Variants in PCDH15 observed in about 807,000 individuals in gnomAD.
PCDH15 encodes protocadherin related 15, also known as protocadherin-15.
In PCDH15, 129 loss-of-function variants were observed where a neutral mutation model predicts 178.5. The ratio of observed to expected loss-of-function variants is 0.72; its 90% CI spans 0.63 to 0.84. PCDH15 has a LOEUF of 0.84. PCDH15 is among the 40% of genes least tolerant of loss of function. PCDH15 has a pLI of 0.00. For synonymous variants in PCDH15, 800 were observed against 732.0 expected (o/e 1.09, Z -1.50); for missense variants, 2,230 against 2,099.9 (o/e 1.06, Z -1.21).
intron 1 of PCDH15, among the ~76,000 whole-genome samples, chr10:54,784,625 A>C (rs1204206417): frequency 6.7e-6 from 1 of 149,610 alleles, no homozygotes; most frequent in Non-Finnish European, 1.5e-5. Flanking sequence ...CAACATCTGG[A>C]AGCAAACAGA....
chr10:54,156,577 C>A (rs2045175351), intron 13 of PCDH15, among the ~76,000 whole-genome samples: 1 of 152,190 alleles, frequency 6.6e-6, no homozygotes, highest in Non-Finnish European at 1.5e-5. Flanking sequence ...TCCCACAACA[C>A]GTGGGAATTC....
chr10:55,433,222 G>C (rs1020085018), intron 2 of PCDH15, among the ~76,000 whole-genome samples: 5 of 152,076 alleles, frequency 3.3e-5, no homozygotes, highest in African/African-American at 1.2e-4. Context: ...TGGTAGATTT[G>C]ATAAAGAAAA....
intron 2 of PCDH15, among the ~76,000 whole-genome samples, chr10:54,559,451 A>C (rs77071350): frequency 6.6e-6 from 1 of 152,092 alleles, no homozygotes. Context: ...TCAATGTTGC[A>C]TCTTCAGCAA....
chr10:54,297,302 G>A (rs937678033), intron 8 of PCDH15, among the ~76,000 whole-genome samples: 1 of 152,110 alleles, frequency 6.6e-6, no homozygotes, highest in Non-Finnish European at 1.5e-5. Flanking sequence ...CTGAAAGAAA[G>A]GCAGCTCATT....
intron 2 of PCDH15, among the ~76,000 whole-genome samples, chr10:54,962,923 G>A (rs1194380896): frequency 6.6e-6 from 1 of 152,160 alleles, no homozygotes; most frequent in African/African-American, 2.4e-5. Context: ...AGCAACACCT[G>A]AAGGATCCTG....
Position 54,066,879 on chromosome 10 carries a change from T to C in PCDH15, c.2098A>G (p.Thr700Ala). ...GTCACCACTATGTTTACTGTGGCAG[T>C]TGAGGTCTTAAAGAAAAACACAAGC... ...ASDGRPDGTS[T>A]ATVNIVVTDV... The change falls in exon 18 of 38, where the codon ACT (threonine) becomes GCT (alanine). Residue 700 changes from threonine to alanine, a missense_variant. Physicochemically the swap from Thr to Ala is moderately conservative, Grantham distance 58 (BLOSUM62 0). Transcript: ENST00000644397. The C allele has an allele frequency of 6.2e-7, 1 of 1,613,166 alleles. No individual in the cohort carries two copies. Among genetic ancestry groups the C allele is most frequent in the Non-Finnish European group, 8.5e-7 (1 of 1,179,376 alleles).
At chr10:54,696,777 T>A (rs1182277728) in intron 1 of PCDH15, among the ~76,000 whole-genome samples, 10 of 152,152 alleles carry the variant, frequency 6.6e-5, no homozygotes, top group Non-Finnish European at 2.9e-5. Context: ...GGTTTCCTTT[T>A]GTTTTGAATA....
At chr10:55,202,243 C>T (rs1840273176) in intron 1 of PCDH15, among the ~76,000 whole-genome samples, 1 of 152,042 alleles carries the variant, frequency 6.6e-6, no homozygotes, top group South Asian at 2.1e-4. Context: ...TAAATGACCT[C>T]CAAGATGGCG....
intron 2 of PCDH15, among the ~76,000 whole-genome samples, chr10:54,936,573 C>G (rs1316240853): frequency 6.6e-6 from 1 of 151,806 alleles, no homozygotes; most frequent in African/African-American, 2.4e-5. Flanking sequence ...CAGCCATCAC[C>G]CTAATGAATG....
intron 3 of PCDH15, among the ~76,000 whole-genome samples, chr10:54,860,963 A>G (rs1953830505): frequency 6.6e-6 from 1 of 152,146 alleles, no homozygotes; most frequent in Non-Finnish European, 1.5e-5. Context: ...TTTTAATGGT[A>G]TGTTTTAATT....
intron 1 of PCDH15, among the ~76,000 whole-genome samples, chr10:54,782,330 G>A (rs1263366943): frequency 1.3e-5 from 2 of 152,086 alleles, no homozygotes; most frequent in South Asian, 2.1e-4. Flanking sequence ...AACTCTGTGA[G>A]CCTCAGTTTC....
intron 6 of PCDH15, among the ~76,000 whole-genome samples, chr10:54,342,299 C>G (rs1206414117): frequency 1.3e-5 from 2 of 152,178 alleles, no homozygotes; most frequent in Admixed American, 1.3e-4. Context: ...AGCCTTAGGA[C>G]ATGGCATCCT....
chr10:54,583,414 A>G (rs143430728), intron 2 of PCDH15, among the ~76,000 whole-genome samples: 172 of 151,932 alleles, frequency 1.1e-3, no homozygotes, highest in African/African-American at 4.0e-3. Context: ...TTACCTTTTC[A>G]TGGAGAGGAC....
Position 53,837,815 on chromosome 10 carries a change from T to A in PCDH15, c.3983+2505A>T, listed in dbSNP as rs545498107. On this transcript the variant is annotated intron_variant, in intron 29 of 37. Coordinates refer to ENST00000644397, the MANE Select transcript of PCDH15 (RefSeq NM_001384140.1). ...TATGTATGTGTATACAATTTTATTA[T>A]AAAATCTTTCAAGAAACAATTCTAG... Among the ~76,000 whole-genome samples the A allele has an allele frequency of 7.2e-5, 11 of 152,010 alleles. No homozygotes were observed. The South Asian group carries it at 2.3e-3, about 32-fold the overall frequency.
intron 2 of PCDH15, among the ~76,000 whole-genome samples, chr10:55,530,005 A>G (rs1841414478): frequency 6.6e-6 from 1 of 151,556 alleles, no homozygotes; most frequent in South Asian, 2.1e-4. Flanking sequence ...CAATTACCTG[A>G]GTGCAATAGG....
chr10:53,953,110 G>A (rs1158131826), intron 23 of PCDH15, among the ~76,000 whole-genome samples: 1 of 152,258 alleles, frequency 6.6e-6, no homozygotes, highest in Non-Finnish European at 1.5e-5. Flanking sequence ...TCTGCAGAGT[G>A]CATAGCCCCA....
chr10:54,597,689 G>A (rs977516209), intron 2 of PCDH15, among the ~76,000 whole-genome samples: 2 of 151,998 alleles, frequency 1.3e-5, no homozygotes, highest in East Asian at 3.9e-4. Context: ...GATCAACGAA[G>A]CCAGGAGTTG....
chr10:54,860,425 G>A (rs138251198), intron 3 of PCDH15, among the ~76,000 whole-genome samples: 12 of 152,198 alleles, frequency 7.9e-5, no homozygotes, highest in Non-Finnish European at 1.3e-4. Flanking sequence ...TCCTGCATTC[G>A]TTAGCTTATG....
intron 1 of PCDH15, among the ~76,000 whole-genome samples, chr10:55,316,229 T>C (rs1843718531): frequency 6.6e-6 from 1 of 152,132 alleles, no homozygotes; most frequent in South Asian, 2.1e-4. Flanking sequence ...ATTAATGCCA[T>C]TACAGCATTT....
Sources: gnomAD v4.1 joint callset for allele counts (sites outside exome capture counted in the v4.1 genomes callset) on GRCh38, gnomAD v4.1.1 for gene constraint, MANE v1.5 for transcripts, NCBI Gene and HGNC (gene_info 2026-07-23, HGNC 2026-07-21) for gene names.